MCUB: variants seen among roughly 807,000 people sequenced by gnomAD.
MCUB encodes calcium uniporter regulatory subunit MCUb, mitochondrial.
A neutral mutation model predicts 41.4 loss-of-function variants in MCUB; 46 were observed. The ratio of observed to expected loss-of-function variants is 1.11; its 90% CI spans 0.88 to 1.42. The LOEUF is 1.42. MCUB is among the 40% of genes most tolerant of loss of function. MCUB has a pLI of 0.00. For synonymous variants in MCUB, 148 were observed against 148.2 expected, an observed-to-expected ratio of 1.00 and a Z score of 0.01; for missense variants, 403 against 404.9, an observed-to-expected ratio of 1.00 and a Z score of 0.04.
At chr4:109,624,134 C>T (rs1019729935) in intron 1 of MCUB, among the ~76,000 whole-genome samples, 1 of 152,146 alleles carries the variant, frequency 6.6e-6, no homozygotes, top group Admixed American at 6.5e-5. Context: ...ATTATAAGCA[C>T]GAGCCACTGT....
chr4:109,622,661 TTATA>T (rs1391955875), intron 1 of MCUB, among the ~76,000 whole-genome samples: 1 of 152,190 alleles, frequency 6.6e-6, no homozygotes, highest in African/African-American at 2.4e-5. Context: ...CAAGATTAAG[TTATA>T]TATATGCCTC....
chr4:109,652,524 G>C (rs1280606023), intron 1 of MCUB, among the ~76,000 whole-genome samples: 1 of 152,146 alleles, frequency 6.6e-6, no homozygotes, highest in Non-Finnish European at 1.5e-5. Context: ...AGATTGAGAG[G>C]TCGCATCTGG....
intron 1 of MCUB, among the ~76,000 whole-genome samples, chr4:109,643,082 C>T (rs1156359350): frequency 6.6e-6 from 1 of 151,438 alleles, no homozygotes; most frequent in Non-Finnish European, 1.5e-5. Flanking sequence ...CGTGAGCCAC[C>T]GCACCCGGCC....
chr4:109,597,908 T>A (rs1727615182), intron 1 of MCUB, among the ~76,000 whole-genome samples: 1 of 148,536 alleles, frequency 6.7e-6, no homozygotes, highest in Non-Finnish European at 1.5e-5. Flanking sequence ...GCTCCTCACC[T>A]CCCAGACGGG....
In MCUB at chr4:109,685,344, A is replaced by G. The variant is rs895497288; in HGVS notation, c.910A>G (p.Lys304Glu). The change falls in exon 7 of 8, where the codon AAG becomes GAG. Residue 304 changes from lysine (K) to glutamate (E), a missense_variant. Coordinates refer to ENST00000394650, the MANE Select transcript of MCUB (RefSeq NM_017918.5). Reference protein sequence around the residue: ...QQHFDVQQYNKLKEDLAKAKE... With the variant: ...QQHFDVQQYNELKEDLAKAKE... ...GCACTTTGATGTGCAGCAATACAAC[A>G]AGTTAAAAGAAGACCTTGCTAAGGT... The G allele has an allele frequency of 1.3e-6, 2 of 1,534,286 alleles. No individual in the cohort carries two copies. The highest frequency in any genetic ancestry group is 1.8e-6 in the Non-Finnish European group (2 of 1,107,944).
chr4:109,650,405 C>T (rs1475703750), intron 1 of MCUB, among the ~76,000 whole-genome samples: 1 of 152,012 alleles, frequency 6.6e-6, no homozygotes, highest in Non-Finnish European at 1.5e-5. Context: ...AATATTTGAC[C>T]CCTTGTTATT....
intron 1 of MCUB, among the ~76,000 whole-genome samples, chr4:109,655,866 A>C (rs1729084009): frequency 6.6e-6 from 1 of 152,006 alleles, no homozygotes; most frequent in Non-Finnish European, 1.5e-5. Context: ...AAAAATGCAA[A>C]TCCTCACAAA....
At chr4:109,602,760 T>A (rs1727771930) in intron 1 of MCUB, among the ~76,000 whole-genome samples, 1 of 152,240 alleles carries the variant, frequency 6.6e-6, no homozygotes, top group African/African-American at 2.4e-5. Flanking sequence ...ATTGGCATTT[T>A]GATAGGGATT....
intron 1 of MCUB, among the ~76,000 whole-genome samples, chr4:109,582,091 G>A (rs1727191573): frequency 6.6e-6 from 1 of 152,106 alleles, no homozygotes; most frequent in East Asian, 1.9e-4. Context: ...TGTTTATTGA[G>A]GCACTATTCA....
chr4:109,617,710 A>G lies in MCUB; in HGVS notation c.100-41301A>G, dbSNP rs73838823. On this transcript the variant is annotated intron_variant, in intron 1 of 7. Coordinates refer to ENST00000394650, the MANE Select transcript of MCUB (RefSeq NM_017918.5). Reference sequence around the variant, plus strand: ...TAATTAACCTGTCTATTATTATTGGACAATTGAATTGTTTTCAATTTTTTG... The same window carrying G: ...TAATTAACCTGTCTATTATTATTGGGCAATTGAATTGTTTTCAATTTTTTG... 5.6e-3 allele frequency among the ~76,000 whole-genome samples: 859 copies of G among 152,340 alleles called. 9 individuals carry two copies. The highest frequency in any genetic ancestry group is 0.02 in the African/African-American group (817 of 41,578).
intron 1 of MCUB, among the ~76,000 whole-genome samples, chr4:109,638,023 TTTTG>T (rs1050165468): frequency 2.6e-5 from 4 of 152,320 alleles, no homozygotes; most frequent in East Asian, 1.9e-4. Context: ...TCACAACATT[TTTTG>T]TTTGTTTTGT....
At chr4:109,567,560 C>T (rs139312998) in intron 1 of MCUB, among the ~76,000 whole-genome samples, 63 of 142,710 alleles carry the variant, frequency 4.4e-4, no homozygotes, top group African/African-American at 1.5e-3. Flanking sequence ...TGTAATCCCA[C>T]CACCAAGGCT....
intron 1 of MCUB, among the ~76,000 whole-genome samples, chr4:109,647,513 G>A (rs1728866096): frequency 2.0e-5 from 3 of 152,236 alleles, no homozygotes; most frequent in Non-Finnish European, 2.9e-5. Context: ...TGGCTTGATA[G>A]CTCATTTCGT....
At chr4:109,679,463 C>T (rs940582531) in intron 4 of MCUB, among the ~76,000 whole-genome samples, 3 of 152,252 alleles carry the variant, frequency 2.0e-5, no homozygotes, top group South Asian at 2.1e-4. Context: ...CCGGTCAACA[C>T]GGCGAAACCC....
At chr4:109,667,948 T>C (rs1458678262) in intron 4 of MCUB, among the ~76,000 whole-genome samples, 1 of 152,048 alleles carries the variant, frequency 6.6e-6, no homozygotes, top group Non-Finnish European at 1.5e-5. Flanking sequence ...TTTTGGGATT[T>C]TCCAGCTATC....
Position 109,643,037 on chromosome 4 carries a change from C to T in MCUB, c.100-15974C>T, listed in dbSNP as rs1437176432. 3.3e-5 allele frequency among the ~76,000 whole-genome samples: 5 copies of T among 151,688 alleles called. No individual in the cohort carries two copies. In the South Asian group the frequency reaches 8.3e-4, roughly 25 times the overall value. ...CTCAAACTCCTGACCTGGTGATCCG[C>T]CCACCTTGGCCTCCCAAAGTGCTGG... On this transcript the variant is annotated intron_variant, in intron 1 of 7. Coordinates refer to ENST00000394650, the MANE Select transcript of MCUB (RefSeq NM_017918.5).
chr4:109,673,837 A>G, intron 4 of MCUB: 2 of 740,240 alleles, frequency 2.7e-6, no homozygotes, highest in Admixed American at 3.8e-5. Context: ...TCTTCAAGCA[A>G]TCACTATGTC....
intron 4 of MCUB, among the ~76,000 whole-genome samples, chr4:109,668,156 G>A (rs755521366): frequency 6.6e-5 from 10 of 152,084 alleles, no homozygotes; most frequent in Non-Finnish European, 1.2e-4. Context: ...TCAGTTGATT[G>A]GTGGTGCTAT....
chr4:109,639,816 G>A (rs562043716), intron 1 of MCUB, among the ~76,000 whole-genome samples: 9 of 152,218 alleles, frequency 5.9e-5, no homozygotes, highest in African/African-American at 7.2e-5. Context: ...TAGGATTTTC[G>A]GAATGGTTAA....
Sources: gnomAD v4.1 joint callset for allele counts (sites outside exome capture counted in the v4.1 genomes callset) on GRCh38, gnomAD v4.1.1 for gene constraint, MANE v1.5 for transcripts, NCBI Gene and HGNC (gene_info 2026-07-23, HGNC 2026-07-21) for gene names.